The following PLA2G5 variants were observed in gnomAD, a reference collection of about 807,000 sequenced individuals.
PLA2G5 encodes phospholipase A2 group V.
A neutral mutation model predicts 15.9 loss-of-function variants in PLA2G5; 12 were observed. That is an observed-to-expected ratio of 0.76 (90% CI 0.48 to 1.23). PLA2G5 has a LOEUF of 1.23. PLA2G5 is among the 50% of genes most tolerant of loss of function. The pLI is 0.00. For synonymous variants in PLA2G5, 71 were observed against 71.4 expected (o/e 0.99, Z 0.03); for missense variants, 169 against 177.1 (o/e 0.95, Z 0.26).
intron 1 of PLA2G5, among the ~76,000 whole-genome samples, chr1:20,035,669 A>C (rs931071494): frequency 6.6e-6 from 1 of 152,204 alleles, no homozygotes; most frequent in Non-Finnish European, 1.5e-5. Flanking sequence ...ATTCTTATCT[A>C]TTCCACCATT....
At chr1:20,045,440 A>G (rs1305255485) in intron 1 of PLA2G5, among the ~76,000 whole-genome samples, 1 of 151,860 alleles carries the variant, frequency 6.6e-6, no homozygotes, top group East Asian at 1.9e-4. Context: ...TGAAGGGAAG[A>G]CTGTCTTCCC....
chr1:20,061,586 CAAAAAAA>C lies in PLA2G5; in HGVS notation n.337+1912_337+1918del, dbSNP rs35346493. Among the ~76,000 whole-genome samples the C allele has an allele frequency of 2.8e-3, 190 of 67,728 alleles. 1 individual carries two copies. Among genetic ancestry groups the C allele is most frequent in the Middle Eastern group, 0.016 (2 of 122 alleles). The allele number at this position is 67,728 out of a possible 152,430, so 44.4% of individuals were successfully genotyped here. On this transcript the variant is annotated intron_variant and non_coding_transcript_variant, in intron 2 of 6. Transcript: ENST00000460175. ...GGGCAACAGAGTAAGACCCTGTCTC[CAAAAAAA>C]AAAAAAAAAAAAAAAAATCTAAGCA...
At chr1:20,072,859 A>C (rs893590538) in intron 1 of PLA2G5, among the ~76,000 whole-genome samples, 6 of 152,052 alleles carry the variant, frequency 3.9e-5, no homozygotes, top group Non-Finnish European at 7.3e-5. Context: ...CTGTTCCCAC[A>C]TCCCCTGTCT....
At chr1:20,038,759 C>G (rs2013420822) in intron 1 of PLA2G5, among the ~76,000 whole-genome samples, 1 of 152,036 alleles carries the variant, frequency 6.6e-6, no homozygotes, top group African/African-American at 2.4e-5. Flanking sequence ...GCATGGGTGA[C>G]AGATTGAGAC....
intron 3 of PLA2G5, 23 bp downstream of exon 3, chr1:20,086,250 C>G (rs774101682): frequency 6.2e-7 from 1 of 1,612,408 alleles, no homozygotes; most frequent in South Asian, 1.1e-5. Flanking sequence ...CTATAACTGC[C>G]CTTTAGGCTC....
intron 1 of PLA2G5, among the ~76,000 whole-genome samples, chr1:20,071,441 C>A (rs1557743688): frequency 6.6e-6 from 1 of 152,142 alleles, no homozygotes; most frequent in Non-Finnish European, 1.5e-5. Flanking sequence ...CTACACTGAG[C>A]ACTGGAGATG....
chr1:20,087,541 T>A (rs1463817629), intron 3 of PLA2G5, among the ~76,000 whole-genome samples: 1 of 152,042 alleles, frequency 6.6e-6, no homozygotes. Flanking sequence ...CGTTTTTTTT[T>A]TATACACATG....
At chr1:20,068,902 CT>C (rs2015192815), upstream of PLA2G5, 1 of 1,282,614 alleles carries the variant, frequency 7.8e-7, no homozygotes, top group South Asian at 1.2e-5. Flanking sequence ...AGGGAACACA[CT>C]CCCCCCTACG....
At chr1:20,082,923 T>G (rs962860327) in intron 1 of PLA2G5, among the ~76,000 whole-genome samples, 1 of 152,010 alleles carries the variant, frequency 6.6e-6, no homozygotes, top group Admixed American at 6.5e-5. Context: ...TGTCTGAGCC[T>G]CAATTTCCTT....
chr1:20,041,797 G>T (rs973925324), intron 1 of PLA2G5, among the ~76,000 whole-genome samples: 2 of 152,176 alleles, frequency 1.3e-5, no homozygotes, highest in South Asian at 4.1e-4. Context: ...AAGTTTCAGT[G>T]GGGGAGTAGG....
intron 1 of PLA2G5, among the ~76,000 whole-genome samples, chr1:20,038,986 G>A (rs55794108): frequency 0.085 from 12,936 of 152,212 alleles, 817 homozygotes; most frequent in African/African-American, 0.18. Context: ...ACACTCAGTT[G>A]TGGTGGTGTG....
chr1:20,052,152 C>T (rs1030787542), intron 1 of PLA2G5, among the ~76,000 whole-genome samples: 39 of 124,204 alleles, frequency 3.1e-4, no homozygotes, highest in South Asian at 1.0e-3. Context: ...CCAGCCTGGG[C>T]GACAGAGCGA....
At chr1:20,071,865 T>C (rs553689867) in intron 1 of PLA2G5, among the ~76,000 whole-genome samples, 1 of 152,206 alleles carries the variant, frequency 6.6e-6, no homozygotes, top group East Asian at 1.9e-4. Context: ...CCCAGCACTT[T>C]GGGAGGCCGA....
At chr1:20,047,125 C>G (rs1180958917) in intron 1 of PLA2G5, among the ~76,000 whole-genome samples, 3 of 152,104 alleles carry the variant, frequency 2.0e-5, no homozygotes, top group Admixed American at 2.0e-4. Flanking sequence ...AAATCCTCAA[C>G]AACAATTAAT....
At chr1:20,054,830 G>A (rs981683108) in intron 1 of PLA2G5, 3 of 152,108 alleles carry the variant, frequency 2.0e-5, no homozygotes, top group African/African-American at 7.2e-5. Context: ...TGGGATTACT[G>A]GCTCAAAAGG....
At chr1:20,088,594 G>A (rs2016411803) in intron 3 of PLA2G5, among the ~76,000 whole-genome samples, 2 of 151,824 alleles carry the variant, frequency 1.3e-5, no homozygotes, top group Admixed American at 1.3e-4. Context: ...ATTAGTAATA[G>A]GAGGAACTGG....
chr1:20,063,117 C>T (rs1007726797), intron 2 of PLA2G5, among the ~76,000 whole-genome samples: 11 of 152,018 alleles, frequency 7.2e-5, no homozygotes, highest in East Asian at 3.9e-4. Flanking sequence ...GATGGGAGCC[C>T]GGGAGTTCAA....
At chr1:20,084,278 A>T (rs1362887859) in intron 1 of PLA2G5, among the ~76,000 whole-genome samples, 1 of 152,182 alleles carries the variant, frequency 6.6e-6, no homozygotes, top group East Asian at 1.9e-4. Context: ...CTGCCTGCAA[A>T]GAACCATCAG....
At chr1:20,035,658 A>T (rs576026315) in intron 1 of PLA2G5, among the ~76,000 whole-genome samples, 1 of 152,214 alleles carries the variant, frequency 6.6e-6, no homozygotes, top group Non-Finnish European at 1.5e-5. Flanking sequence ...TTGATTGGTG[A>T]ATTCTTATCT....
Sources: allele counts gnomAD v4.1 joint callset (sites outside exome capture counted in the v4.1 genomes callset), GRCh38; gene constraint gnomAD v4.1.1; transcripts MANE v1.5; gene names NCBI Gene and HGNC (gene_info 2026-07-23, HGNC 2026-07-21).